Variants in TTN observed in about 807,000 individuals in gnomAD.
The protein encoded by TTN is connectin.
Under a neutral mutation model 3,223.0 loss-of-function variants are expected in TTN, and 1,525 were observed. The ratio of observed to expected loss-of-function variants is 0.47; its 90% CI spans 0.45 to 0.49. TTN has a LOEUF of 0.49. TTN is among the 20% of genes least tolerant of loss of function. The pLI is 0.00. For synonymous variants in TTN, 14,094 were observed against 15,161.0 expected, an observed-to-expected ratio of 0.93 and a Z score of 5.17; for missense variants, 40,786 against 43,424.0, an observed-to-expected ratio of 0.94 and a Z score of 5.40.
chr2:178,721,222 A>T lies in TTN; in HGVS notation c.22817-20T>A. The T allele has an allele frequency of 6.4e-7, 1 of 1,555,912 alleles. No homozygotes were observed. The highest frequency in any genetic ancestry group is 8.7e-7 in the Non-Finnish European group (1 of 1,149,758). On this transcript the variant is annotated intron_variant, in intron 78 of 362. Coordinates refer to ENST00000589042, the MANE Select transcript of TTN (RefSeq NM_001267550.2). ...GAGGTTCTAGTAAACCAAACAAAAC[A>T]GTCAGTAAGGGATATTTATTATACA...
chr2:178,541,428 T>G lies in TTN; in HGVS notation c.97649A>C (p.Asn32550Thr). 6.2e-7 allele frequency: 1 copy of G among 1,613,440 alleles called. No homozygotes were observed. The highest frequency in any genetic ancestry group is 1.3e-5 in the African/African-American group (1 of 75,022). ...EVRADRWVRV[N>T]KVPVTMTRYR... Reference sequence around the variant, plus strand: ...CCGTGTCATTGTCACAGGTACTTTATTTACACGGACCCATCGATCTGCTCT... The same window carrying G: ...CCGTGTCATTGTCACAGGTACTTTAGTTACACGGACCCATCGATCTGCTCT... Residue 32550 changes from asparagine (N) to threonine (T), a missense_variant, in exon 350 of 363, where the codon AAT becomes ACT. Coordinates refer to ENST00000589042, the MANE Select transcript of TTN (RefSeq NM_001267550.2).
rs2154346142 is a variant in TTN, at chr2:178,776,400, TTCTC to T, written c.5460_5463del (p.Arg1821TrpfsTer10). ...CCTGTAAGTGCACCTTCATGAGCCA[TTCTC>T]TCTAATTCTTCAATTCTCTGTAAGC... is the stretch of plus-strand genomic sequence containing the variant. On this transcript the variant is annotated frameshift_variant, in exon 28 of 363. Transcript: ENST00000589042. LOFTEE classifies it high-confidence loss of function. 1 of 1,612,178 alleles carries T rather than the reference TTCTC, an allele frequency of 6.2e-7. No homozygotes were observed. The highest frequency in any genetic ancestry group is 8.5e-7 in the Non-Finnish European group (1 of 1,179,976).
At chr2:178,689,686 A>G (rs1364209264) in intron 122 of TTN, 91 bp from the exon 123 acceptor site, 4 of 1,436,026 alleles carry the variant, frequency 2.8e-6, no homozygotes, top group Non-Finnish European at 3.8e-6. Flanking sequence ...GTGGACAGAC[A>G]CTTTTGTTCA....
At position 178,741,282 on chromosome 2, in the gene TTN, T is replaced by A. The variant is rs776443623; in HGVS notation, c.11951A>T (p.Tyr3984Phe). The A allele has an allele frequency of 6.2e-7, 1 of 1,613,906 alleles. No individual in the cohort carries two copies. The highest frequency in any genetic ancestry group is 8.5e-7 in the Non-Finnish European group (1 of 1,179,834). ...ENKQLCTSVY[Y>F]TIIHNPNGSG... Reference sequence around the variant, plus strand: ...GCCATTAGGGTTATGAATGATAGTGTAATAAACACTGGTGCAAAGCTGCTT... The same window carrying A: ...GCCATTAGGGTTATGAATGATAGTGAAATAAACACTGGTGCAAAGCTGCTT... The change falls in exon 48 of 363, where the codon TAC (tyrosine) becomes TTC (phenylalanine). Residue 3984 changes from tyrosine to phenylalanine, a missense_variant. Coordinates refer to ENST00000589042, the MANE Select transcript of TTN (RefSeq NM_001267550.2).
chr2:178,547,481 C>A lies in TTN; in HGVS notation c.94145G>T (p.Arg31382Leu). Residue 31382 changes from arginine (R) to leucine (L), a missense_variant, in exon 339 of 363, where the codon CGT becomes CTT. Arg to Leu is a moderately radical substitution (Grantham distance 102). Coordinates refer to ENST00000589042, the MANE Select transcript of TTN (RefSeq NM_001267550.2). ...HLTKYMEYSF[R>L]VSSENRFGVS... ...ACCAAATCTGTTCTCTGAACTGACACGGAAAGAATATTCCATGTATTTTGT... is the reference window on the plus strand; with the variant it reads ...ACCAAATCTGTTCTCTGAACTGACAAGGAAAGAATATTCCATGTATTTTGT... 1 of 1,612,578 alleles carries A rather than the reference C, an allele frequency of 6.2e-7. No homozygotes were observed. The highest frequency in any genetic ancestry group is 1.1e-5 in the South Asian group (1 of 90,956).
Position 178,613,758 on chromosome 2 carries a change from T to A in TTN, c.49525A>T (p.Thr16509Ser), listed in dbSNP as rs779933778. The change falls in exon 263 of 363, where the codon ACA becomes TCA. Residue 16509 changes from threonine (T) to serine (S), a missense_variant. Physicochemically the swap from Thr to Ser is moderately conservative, Grantham distance 58. Coordinates refer to ENST00000589042, the MANE Select transcript of TTN (RefSeq NM_001267550.2). ...TGGGGATTCTGAGCATACCTGTATGTTGTGTCCTTTACTGGCATCTTATTG... is the reference window on the plus strand; with the variant it reads ...TGGGGATTCTGAGCATACCTGTATGATGTGTCCTTTACTGGCATCTTATTG... ...RCNKMPVKDT[T>S]YRVKGLTNKK... 1 of 1,612,092 alleles carries A rather than the reference T, an allele frequency of 6.2e-7. No individual in the cohort carries two copies. The highest frequency in any genetic ancestry group is 2.2e-5 in the East Asian group (1 of 44,758).
At chr2:178,781,325 A>G in intron 20 of TTN, 62 bp from the exon 21 acceptor site, 1 of 1,588,694 alleles carries the variant, frequency 6.3e-7, no homozygotes, top group Non-Finnish European at 8.6e-7. Context: ...GGGTAAAATA[A>G]TTGGACTTAT....
In TTN at chr2:178,594,002, C is replaced by G; in HGVS notation, c.58391G>C (p.Ser19464Thr). ...ACAGAAACCTTTCCTAGAGCCTGTA[C>G]TGTTCTCCACAACCACACAGTATTT... Reference protein sequence around the residue: ...SGKYCVVVENSTGSRKGFCQV... With the variant: ...SGKYCVVVENTTGSRKGFCQV... Residue 19464 changes from serine to threonine, a missense_variant, in exon 297 of 363, where the codon AGT becomes ACT. Transcript: ENST00000589042. 2 of 1,613,624 alleles carry G rather than the reference C, an allele frequency of 1.2e-6. No homozygotes were observed. The highest frequency in any genetic ancestry group is 1.7e-6 in the Non-Finnish European group (2 of 1,179,668).
chr2:178,573,793 G>A lies in TTN; in HGVS notation c.72339C>T (p.His24113=). The A allele has an allele frequency of 2.5e-6, 4 of 1,610,544 alleles. No homozygotes were observed. The highest frequency in any genetic ancestry group is 3.4e-6 in the Non-Finnish European group (4 of 1,178,032). The change falls in exon 326 of 363, where the codon CAC becomes CAT. Residue 24113 remains histidine, a synonymous_variant. Transcript: ENST00000589042. ...TATNPGGFAK[H]IFNVKVLDRP... is the part of the protein sequence containing the mutation. ...TGTCAAGAACTTTGACATTGAAAATGTGTTTAGCAAAGCCACCAGGATTAG... is the reference window on the plus strand; with the variant it reads ...TGTCAAGAACTTTGACATTGAAAATATGTTTAGCAAAGCCACCAGGATTAG...
intron 33 of TTN, 88 bp from the exon 34 acceptor site, chr2:178,771,559 A>G: frequency 6.5e-7 from 1 of 1,548,754 alleles, no homozygotes; most frequent in Non-Finnish European, 8.9e-7. Flanking sequence ...AAAATATCAA[A>G]TTTAAGAACA....
rs727503647 is a variant in TTN at position 178,717,712 on chromosome 2, G to T, written c.25162C>A (p.Pro8388Thr). The change falls in exon 87 of 363, where the codon CCT becomes ACT. Residue 8388 changes from proline to threonine, a missense_variant. Transcript: ENST00000589042. Reference sequence around the variant, plus strand: ...TCCTTGTACCAAGACACTTGAAGAGGTTCTGAGCCATTGATGCGGCATTCA... The same window carrying T: ...TCCTTGTACCAAGACACTTGAAGAGTTTCTGAGCCATTGATGCGGCATTCA... ...AFECRINGSEPLQVSWYKDGV... is the reference protein window; with the variant it reads ...AFECRINGSETLQVSWYKDGV... 4 of 1,613,294 alleles carry T rather than the reference G, an allele frequency of 2.5e-6. No homozygotes were observed. Among genetic ancestry groups the T allele is most frequent in the Non-Finnish European group, 2.5e-6 (3 of 1,179,592 alleles).
chr2:178,575,949 C>A lies in TTN; in HGVS notation c.70183G>T (p.Glu23395Ter). ...LKNRANIENT[E>*]SFTLLIIPEC... is the part of the protein sequence containing the mutation. ...GGGATAATCAGAAGAGTAAATGATTCCGTATTTTCAATGTTGGCTCGGTTT... is the reference window on the plus strand; with the variant it reads ...GGGATAATCAGAAGAGTAAATGATTACGTATTTTCAATGTTGGCTCGGTTT... Residue 23395 changes from glutamate (E) to a stop codon, truncating the protein, a stop_gained, in exon 326 of 363, where the codon GAA becomes TAA. Coordinates refer to ENST00000589042, the MANE Select transcript of TTN (RefSeq NM_001267550.2). LOFTEE classifies it high-confidence loss of function. The surrounding 1 kb of genome is among the most constrained non-coding windows in gnomAD (Gnocchi z 4.0). 1 of 1,611,472 alleles carries A rather than the reference C, an allele frequency of 6.2e-7. No homozygotes were observed. The highest frequency in any genetic ancestry group is 1.1e-5 in the South Asian group (1 of 91,018).
chr2:178,542,742 A>C lies in TTN; in HGVS notation c.97112T>G (p.Ile32371Ser), dbSNP rs748682168. 52 of 1,613,692 alleles carry C rather than the reference A, an allele frequency of 3.2e-5. No individual in the cohort carries two copies. The highest frequency in any genetic ancestry group is 4.4e-5 in the Non-Finnish European group (52 of 1,179,788). Residue 32371 changes from isoleucine (I) to serine (S), a missense_variant, in exon 348 of 363, where the codon ATC becomes AGC. Coordinates refer to ENST00000589042, the MANE Select transcript of TTN (RefSeq NM_001267550.2). ...VAKLTIRETT[I>S]RDTGEYTLEL... ...AAGTGTGTATTCTCCAGTATCTCTG[A>C]TAGTGGTTTCACGGATGGTTAATTT...
intron 246 of TTN, 28 bp from the exon 247 acceptor site, chr2:178,621,021 T>C (rs1180621809): frequency 1.2e-6 from 2 of 1,605,494 alleles, no homozygotes; most frequent in African/African-American, 2.7e-5. Context: ...GACTTTATAG[T>C]ATGAATAATG....
intron 3 of TTN, among the ~76,000 whole-genome samples, chr2:178,801,047 T>C (rs2094035848): frequency 1.3e-5 from 2 of 152,222 alleles, no homozygotes; most frequent in African/African-American, 2.4e-5. Flanking sequence ...GTGAAAGCCA[T>C]GTTGCATATT....
Position 178,529,166 on chromosome 2 carries a change from T to G in TTN, c.106585A>C (p.Thr35529Pro), listed in dbSNP as rs372116188. Reference protein sequence around the residue: ...KVSTQKTSEITPQKKAVVQEE... With the variant: ...KVSTQKTSEIPPQKKAVVQEE... ...TGGACAACAGCTTTCTTCTGAGGTG[T>G]AATTTCAGAAGTCTTTTGTGTAGAG... The change falls in exon 360 of 363, where the codon ACA becomes CCA. Residue 35529 changes from threonine (T) to proline (P), a missense_variant. Transcript: ENST00000589042. The G allele has an allele frequency of 7.7e-6, 12 of 1,550,124 alleles. No individual in the cohort carries two copies. The African/African-American group carries it at 1.7e-4, about 21-fold the overall frequency.
At chr2:178,603,280 A>C (rs1472665967) in intron 282 of TTN, among the ~76,000 whole-genome samples, 1 of 151,990 alleles carries the variant, frequency 6.6e-6, no homozygotes, top group Non-Finnish European at 1.5e-5. Context: ...TTTAACAAAT[A>C]ATTGAATTTT....
chr2:178,612,703 T>C, intron 265 of TTN, 70 bp downstream of exon 265: 1 of 1,540,858 alleles, frequency 6.5e-7, no homozygotes, highest in Non-Finnish European at 8.7e-7. Flanking sequence ...TTTTTCATAT[T>C]TTCTCATATC....
intron 102 of TTN, 106 bp downstream of exon 102, chr2:178,706,348 A>C: frequency 8.1e-7 from 1 of 1,237,738 alleles, no homozygotes; most frequent in Non-Finnish European, 1.1e-6. Context: ...TGTATTTTTA[A>C]ATTTTTTGTT....
Sources: allele counts gnomAD v4.1 joint callset (sites outside exome capture counted in the v4.1 genomes callset), GRCh38; gene constraint gnomAD v4.1.1; non-coding constraint Gnocchi (gnomAD v3.1); transcripts MANE v1.5; gene names NCBI Gene and HGNC (gene_info 2026-07-23, HGNC 2026-07-21).